The following LRP1B variants were observed in gnomAD, a reference collection of about 807,000 sequenced individuals.
LRP1B encodes the protein LDL receptor related protein 1B.
Under a neutral mutation model 556.6 loss-of-function variants are expected in LRP1B, and 217 were observed. That is an observed-to-expected ratio of 0.39 (90% confidence interval 0.35 to 0.44). LRP1B has a LOEUF of 0.44. Among genes scored for constraint, LRP1B ranks in the 20% least tolerant of loss-of-function variants. LRP1B has a pLI of 1.00. For missense variants in LRP1B, 5,053 were observed against 5,620.8 expected (o/e 0.90, Z 3.23); for synonymous variants, 2,047 against 1,865.8 (o/e 1.10, Z -2.50).
rs573674029 is a variant in LRP1B, at chr2:141,222,889, C to G, written c.850+6294G>C. Among the ~76,000 whole-genome samples the G allele has an allele frequency of 2.6e-5, 4 of 152,184 alleles. No homozygotes were observed. In the East Asian group the frequency reaches 7.7e-4, roughly 29 times the overall value. On this transcript the variant is annotated intron_variant, in intron 6 of 90. Coordinates refer to ENST00000389484, the MANE Select transcript of LRP1B (RefSeq NM_018557.3). ...AACTAGGAATTGAAGGAACATACCT[C>G]AAAATAATGAGCCATATGTGACAAA...
At chr2:140,508,628 A>C (rs73961419) in intron 52 of LRP1B, among the ~76,000 whole-genome samples, 33,897 of 152,042 alleles carry the variant, frequency 0.22, 4,071 homozygotes, top group African/African-American at 0.31. Context: ...CTCCTCTTAA[A>C]TTTGAACTGT....
At chr2:140,654,912 C>T (rs1199764782) in intron 41 of LRP1B, among the ~76,000 whole-genome samples, 2 of 152,158 alleles carry the variant, frequency 1.3e-5, no homozygotes, top group African/African-American at 2.4e-5. Context: ...TTTTCCCACA[C>T]ACCAGTAAGT....
In LRP1B at chr2:141,407,303, A is replaced by G. The variant is rs1251392365; in HGVS notation, c.343+73093T>C. Among the ~76,000 whole-genome samples the G allele has an allele frequency of 3.3e-5, 5 of 152,216 alleles. No individual in the cohort carries two copies. In the East Asian group the frequency reaches 9.6e-4, roughly 29 times the overall value. Reference sequence around the variant, plus strand: ...TATTTAATTCAACTCAGTGAAGTACATGGAAAATGTTTCTTGCCTTTCCAC... The same window carrying G: ...TATTTAATTCAACTCAGTGAAGTACGTGGAAAATGTTTCTTGCCTTTCCAC... On this transcript the variant is annotated intron_variant, in intron 3 of 90. Transcript: ENST00000389484.
At chr2:140,577,560 G>A (rs1032688901) in intron 43 of LRP1B, among the ~76,000 whole-genome samples, 1 of 151,956 alleles carries the variant, frequency 6.6e-6, no homozygotes, top group Admixed American at 6.6e-5. Context: ...GGGCTTACAG[G>A]TACGTGCCAC....
At chr2:141,499,149 T>G (rs1683622449) in intron 2 of LRP1B, among the ~76,000 whole-genome samples, 1 of 152,074 alleles carries the variant, frequency 6.6e-6, no homozygotes, top group South Asian at 2.1e-4. Flanking sequence ...GTTCTAAGCT[T>G]TTTTAGGCTT....
intron 7 of LRP1B, among the ~76,000 whole-genome samples, chr2:141,174,918 T>A (rs1182140642): frequency 6.6e-6 from 1 of 151,876 alleles, no homozygotes; most frequent in Non-Finnish European, 1.5e-5. Flanking sequence ...GCAGAGGTGG[T>A]TTTAGATTGA....
intron 2 of LRP1B, among the ~76,000 whole-genome samples, chr2:141,649,670 G>C (rs951584821): frequency 1.3e-5 from 2 of 152,076 alleles, no homozygotes; most frequent in African/African-American, 4.8e-5. Context: ...CTCTAATTGT[G>C]ATAAGAAACC....
chr2:140,507,509 C>A (rs1049248143), intron 52 of LRP1B, among the ~76,000 whole-genome samples: 1 of 152,048 alleles, frequency 6.6e-6, no homozygotes, highest in Non-Finnish European at 1.5e-5. Context: ...GTAAGTACCA[C>A]ACAAATGAAA....
intron 2 of LRP1B, among the ~76,000 whole-genome samples, chr2:141,581,536 G>A (rs1686958577): frequency 6.6e-6 from 1 of 152,022 alleles, no homozygotes. Flanking sequence ...TTCAAGTTCA[G>A]CCACCACACA....
At chr2:141,545,622 A>C (rs1685523207) in intron 2 of LRP1B, among the ~76,000 whole-genome samples, 1 of 152,174 alleles carries the variant, frequency 6.6e-6, no homozygotes, top group African/African-American at 2.4e-5. Context: ...AAGTGGGAGA[A>C]TTGCTTGAGC....
chr2:140,778,023 A>G (rs1689558812), intron 32 of LRP1B, among the ~76,000 whole-genome samples: 1 of 151,832 alleles, frequency 6.6e-6, no homozygotes. Flanking sequence ...TCACAGGGGG[A>G]AAAAAATGCC....
At chr2:142,016,273 T>G (rs1340058181) in intron 1 of LRP1B, among the ~76,000 whole-genome samples, 1 of 152,114 alleles carries the variant, frequency 6.6e-6, no homozygotes, top group Non-Finnish European at 1.5e-5. Context: ...AGTGTGGCAA[T>G]TCCTCAAGGA....
intron 54 of LRP1B, 29 bp from the exon 55 acceptor site, chr2:140,501,903 T>A (rs1689214527): frequency 6.5e-7 from 1 of 1,530,446 alleles, no homozygotes; most frequent in East Asian, 2.3e-5. Context: ...AAATGGAACA[T>A]AAAGGGCATG....
intron 57 of LRP1B, among the ~76,000 whole-genome samples, chr2:140,490,421 C>T (rs1176891410): frequency 6.6e-6 from 1 of 151,982 alleles, no homozygotes; most frequent in Admixed American, 6.6e-5. Context: ...TAATTTTATG[C>T]AATAAAACTT....
intron 2 of LRP1B, among the ~76,000 whole-genome samples, chr2:141,798,073 A>C (rs1196802622): frequency 6.6e-6 from 1 of 152,196 alleles, no homozygotes; most frequent in Non-Finnish European, 1.5e-5. Flanking sequence ...TATTATACCT[A>C]TGTAAGGGTT....
chr2:140,423,993 A>T (rs1182689098), intron 66 of LRP1B, among the ~76,000 whole-genome samples: 1 of 152,198 alleles, frequency 6.6e-6, no homozygotes, highest in Non-Finnish European at 1.5e-5. Flanking sequence ...TTTACTCAAC[A>T]TCTACCATGT....
intron 66 of LRP1B, among the ~76,000 whole-genome samples, chr2:140,406,266 C>T (rs1479294498): frequency 6.6e-6 from 1 of 151,934 alleles, no homozygotes; most frequent in Admixed American, 6.6e-5. Context: ...AAAGCATGAC[C>T]CCCTGAGAAC....
At position 141,616,450 on chromosome 2, in the gene LRP1B, T is replaced by A. The variant is rs183945679; in HGVS notation, c.206-135917A>T. ...CTATACCTACTCTTTTAAGAATTAC[T>A]GACACTCTGCTATCAATTAGTTTAA... On this transcript the variant is annotated intron_variant, in intron 2 of 90. Coordinates refer to ENST00000389484, the MANE Select transcript of LRP1B (RefSeq NM_018557.3). Among the ~76,000 whole-genome samples, 103 of 152,340 alleles carry A rather than the reference T, an allele frequency of 6.8e-4. No homozygotes were observed. The East Asian group carries it at 6.9e-3, about 10-fold the overall frequency.
At chr2:140,466,579 G>A (rs914351349) in intron 60 of LRP1B, among the ~76,000 whole-genome samples, 3 of 152,072 alleles carry the variant, frequency 2.0e-5, no homozygotes, top group African/African-American at 7.2e-5. Context: ...AAATATAAAA[G>A]AGTTCAGTGG....
Sources: gnomAD v4.1 joint callset for allele counts (sites outside exome capture counted in the v4.1 genomes callset) on GRCh38, gnomAD v4.1.1 for gene constraint, MANE v1.5 for transcripts, NCBI Gene and HGNC (gene_info 2026-07-23, HGNC 2026-07-21) for gene names.